DNAJC1: variants seen among roughly 807,000 people sequenced by gnomAD.
DNAJC1 encodes the protein DnaJ heat shock protein family (Hsp40) member C1, also known as dnaJ homolog subfamily C member 1.
In DNAJC1, 58 loss-of-function variants were observed where a neutral mutation model predicts 76.6. The observed-to-expected ratio is 0.76, with a 90% CI of 0.61 to 0.94. The LOEUF is 0.94. Ranked by LOEUF, DNAJC1 falls within the 40% of genes least tolerant of loss-of-function variation. DNAJC1 has a pLI of 0.00. For missense variants in DNAJC1, 689 were observed against 677.3 expected (o/e 1.02, Z -0.19); for synonymous variants, 258 against 267.9 (o/e 0.96, Z 0.36).
intron 9 of DNAJC1, among the ~76,000 whole-genome samples, chr10:21,777,013 T>G (rs1419549997): frequency 6.6e-6 from 1 of 152,200 alleles, no homozygotes; most frequent in Non-Finnish European, 1.5e-5. Flanking sequence ...TTCTATTGAC[T>G]TGCTGCATTC....
At position 21,756,744 on chromosome 10, in the gene DNAJC1, G is replaced by GAT; in HGVS notation, c.1606_1607dup (p.Ala537SerfsTer25). On this transcript the variant is annotated frameshift_variant, in exon 12 of 12. Coordinates refer to ENST00000376980, the MANE Select transcript of DNAJC1 (RefSeq NM_022365.4). LOFTEE classifies it high-confidence loss of function. ...GTTCAACCAGCAACTTGTACCTAGC[G>GAT]ATACAGTCTTCCTGTAGGAAGAAAA... The GAT allele has an allele frequency of 6.2e-7, 1 of 1,613,346 alleles. No homozygotes were observed. The highest frequency in any genetic ancestry group is 8.5e-7 in the Non-Finnish European group (1 of 1,179,906).
At chr10:21,866,228 T>C (rs1033130060) in intron 8 of DNAJC1, among the ~76,000 whole-genome samples, 6 of 151,792 alleles carry the variant, frequency 4.0e-5, no homozygotes, top group Admixed American at 2.6e-4. Context: ...TAAAGTAGTT[T>C]TATTACATAA....
intron 9 of DNAJC1, among the ~76,000 whole-genome samples, chr10:21,771,688 G>T (rs1834379849): frequency 6.6e-6 from 1 of 152,098 alleles, no homozygotes; most frequent in Non-Finnish European, 1.5e-5. Context: ...AGTAGAGATA[G>T]GGTTTCACCA....
intron 1 of DNAJC1, among the ~76,000 whole-genome samples, chr10:21,964,380 A>T (rs1222850344): frequency 6.6e-6 from 1 of 151,884 alleles, no homozygotes; most frequent in Non-Finnish European, 1.5e-5. Context: ...ATGCCTGGCT[A>T]ATTTTTTTGT....
At position 21,919,879 on chromosome 10, in the gene DNAJC1, G is replaced by A; in HGVS notation, c.588C>T (p.Ser196=). 3 of 1,608,400 alleles carry A rather than the reference G, an allele frequency of 1.9e-6. No individual in the cohort carries two copies. Among genetic ancestry groups the A allele is most frequent in the Non-Finnish European group, 2.5e-6 (3 of 1,178,450 alleles). ...CGAGTTTTGATACATCCACACTCTT[G>A]CTGCCAGTCTTTTTTTTCTTTTCTC... ...KKREKKKKTG[S]KSVDVSKLGA... Residue 196 remains serine (S), a synonymous_variant, in exon 5 of 12, where the codon AGC becomes AGT. Transcript: ENST00000376980.
At chr10:21,952,246 T>C (rs1837610476) in intron 1 of DNAJC1, among the ~76,000 whole-genome samples, 1 of 152,218 alleles carries the variant, frequency 6.6e-6, no homozygotes, top group East Asian at 1.9e-4. Flanking sequence ...CATATAATTT[T>C]TCAGTTATAC....
chr10:21,852,091 A>T (rs1458561188), intron 8 of DNAJC1, among the ~76,000 whole-genome samples: 1 of 43,972 alleles, frequency 2.3e-5, no homozygotes, highest in Non-Finnish European at 4.3e-5. Context: ...AAATTGTGAG[A>T]TACACACACA....
chr10:21,813,208 CTCTCTCTCTCTCTATATATA>C (rs1564794833), intron 8 of DNAJC1, among the ~76,000 whole-genome samples: 3 of 68,696 alleles, frequency 4.4e-5, no homozygotes, highest in African/African-American at 9.6e-5. Context: ...CTCTCTCTCT[CTCTCTCTCTCTCTATATATA>C]TATATATATA....
intron 9 of DNAJC1, among the ~76,000 whole-genome samples, chr10:21,792,826 A>G (rs1387326791): frequency 6.6e-6 from 1 of 151,952 alleles, no homozygotes; most frequent in East Asian, 1.9e-4. Flanking sequence ...CAACATGATC[A>G]AGTGGGAATG....
chr10:21,785,211 C>T (rs1229069233), intron 9 of DNAJC1: 1 of 152,242 alleles, frequency 6.6e-6, no homozygotes, highest in Non-Finnish European at 1.5e-5. Flanking sequence ...ATTCTATCCT[C>T]TTAAGCTGCA....
intron 1 of DNAJC1, among the ~76,000 whole-genome samples, chr10:21,962,236 T>C (rs1837806201): frequency 6.6e-6 from 1 of 152,138 alleles, no homozygotes; most frequent in Admixed American, 6.6e-5. Flanking sequence ...TGTTTAATGC[T>C]GTGCCCCTAA....
chr10:21,959,449 C>T (rs538403315), intron 1 of DNAJC1, among the ~76,000 whole-genome samples: 21 of 152,118 alleles, frequency 1.4e-4, no homozygotes, highest in African/African-American at 3.9e-4. Flanking sequence ...ATTATATCCT[C>T]GAGATGTTTT....
chr10:21,910,478 T>G (rs1025449448), intron 6 of DNAJC1, among the ~76,000 whole-genome samples: 1 of 152,120 alleles, frequency 6.6e-6, no homozygotes, highest in Admixed American at 6.5e-5. Flanking sequence ...TTATAATGTT[T>G]TGGTTCACTT....
intron 9 of DNAJC1, among the ~76,000 whole-genome samples, chr10:21,784,362 G>C (rs960705830): frequency 6.6e-6 from 1 of 152,082 alleles, no homozygotes; most frequent in South Asian, 2.1e-4. Flanking sequence ...TGCCATCTTA[G>C]ACCAGTTAGA....
At position 21,911,023 on chromosome 10, in the gene DNAJC1, GAGAA is replaced by G. The variant is rs1488792487; in HGVS notation, c.730-6415_730-6412del. ...GGAGAAAGAAAGAGAAAGAGAAAAA[GAGAA>G]AGAAAGAGAGAGAAAGGAAGGAAGG... On this transcript the variant is annotated intron_variant, in intron 6 of 11. Transcript: ENST00000376980. 3.6e-5 allele frequency among the ~76,000 whole-genome samples: 5 copies of G among 138,634 alleles called. 1 individual carries two copies. Among genetic ancestry groups the G allele is most frequent in the Admixed American group, 3.0e-4 (4 of 13,524 alleles). The allele number at this position is 138,634 out of a possible 152,430, so 90.9% of individuals were successfully genotyped here. A position where few individuals can be genotyped will look rare whatever the true frequency, so the allele number is the denominator to read the frequency against.
At chr10:21,791,245 T>C (rs919715107) in intron 9 of DNAJC1, among the ~76,000 whole-genome samples, 1 of 151,994 alleles carries the variant, frequency 6.6e-6, no homozygotes, top group East Asian at 1.9e-4. Flanking sequence ...TAAAAGCAAA[T>C]ATTATTAGAT....
intron 6 of DNAJC1, among the ~76,000 whole-genome samples, chr10:21,911,106 G>A (rs976977174): frequency 4.0e-5 from 6 of 150,836 alleles, no homozygotes; most frequent in Non-Finnish European, 7.4e-5. Context: ...GCGGGAAGGC[G>A]GGCAGGCGGG....
intron 8 of DNAJC1, among the ~76,000 whole-genome samples, chr10:21,841,345 C>T (rs977620290): frequency 6.6e-6 from 1 of 152,118 alleles, no homozygotes; most frequent in Non-Finnish European, 1.5e-5. Context: ...TTTTTGCAAC[C>T]TACTCATCTG....
At chr10:21,942,021 G>A (rs1230112821) in intron 1 of DNAJC1, among the ~76,000 whole-genome samples, 5 of 152,014 alleles carry the variant, frequency 3.3e-5, no homozygotes, top group African/African-American at 9.7e-5. Flanking sequence ...TACTACAGAC[G>A]AGAGGAAAAA....
Sources: gnomAD v4.1 joint callset for allele counts (sites outside exome capture counted in the v4.1 genomes callset) on GRCh38, gnomAD v4.1.1 for gene constraint, MANE v1.5 for transcripts, NCBI Gene and HGNC (gene_info 2026-07-23, HGNC 2026-07-21) for gene names.